Variants in KCNIP4 observed in about 807,000 individuals in gnomAD.
KCNIP4 encodes potassium voltage-gated channel interacting protein 4.
A neutral mutation model predicts 34.0 loss-of-function variants in KCNIP4; 12 were observed. The ratio of observed to expected loss-of-function variants is 0.35; its 90% CI spans 0.23 to 0.57. The LOEUF is 0.57. Among genes scored for constraint, KCNIP4 ranks in the 20% least tolerant of loss-of-function variants. The probability of loss-of-function intolerance (pLI) is 0.83; values close to 1 mark genes in which losing one functional copy is unlikely to be tolerated. For missense variants in KCNIP4, 238 were observed against 311.7 expected, an observed-to-expected ratio of 0.76 and a Z score of 1.78; for synonymous variants, 124 against 102.2, an observed-to-expected ratio of 1.21 and a Z score of -1.29.
At chr4:21,916,429 A>G (rs1017893759) in intron 1 of KCNIP4, among the ~76,000 whole-genome samples, 3 of 152,212 alleles carry the variant, frequency 2.0e-5, no homozygotes, top group African/African-American at 7.2e-5. Flanking sequence ...TCTTCACTTT[A>G]AAAACTTTAT....
chr4:21,482,953 A>G (rs1201423804), intron 1 of KCNIP4, among the ~76,000 whole-genome samples: 2 of 151,956 alleles, frequency 1.3e-5, no homozygotes, highest in Non-Finnish European at 2.9e-5. Context: ...ACATGGATGA[A>G]GCTGGAAACC....
rs560239264 is a variant in KCNIP4 at position 21,198,727 on chromosome 4, G to A, written c.62-316018C>T. Among the ~76,000 whole-genome samples, 9 of 152,296 alleles carry A rather than the reference G, an allele frequency of 5.9e-5. No homozygotes were observed. In the South Asian group the frequency reaches 1.9e-3, roughly 32 times the overall value. ...TCTGCTGGAGCCTGTGCATCATGTG[G>A]CACCTGGTCAACCCCACTGTTATAT... On this transcript the variant is annotated intron_variant, in intron 1 of 8. Transcript: ENST00000382152.
Position 20,961,996 on chromosome 4 carries a change from G to A in KCNIP4, c.62-79287C>T, listed in dbSNP as rs200744846. Among the ~76,000 whole-genome samples the A allele has an allele frequency of 9.2e-5, 14 of 152,214 alleles. No homozygotes were observed. In the East Asian group the frequency reaches 9.7e-4, roughly 11 times the overall value. ...CCACCCCTTCAGTTTCCATGACTAC[G>A]TATCTTTCCTAAACCACCCTGGCAT... On this transcript the variant is annotated intron_variant, in intron 1 of 8. Transcript: ENST00000382152.
At chr4:21,551,343 C>T (rs1159962530) in intron 1 of KCNIP4, among the ~76,000 whole-genome samples, 1 of 152,012 alleles carries the variant, frequency 6.6e-6, no homozygotes, top group East Asian at 1.9e-4. Context: ...TTTCAGTTTA[C>T]AGTGATAAAT....
At chr4:20,905,668 C>T (rs764050090) in intron 1 of KCNIP4, among the ~76,000 whole-genome samples, 16 of 151,224 alleles carry the variant, frequency 1.1e-4, no homozygotes, top group South Asian at 4.2e-4. Flanking sequence ...TGTGTCACAA[C>T]GCCTGGCTAA....
intron 1 of KCNIP4, among the ~76,000 whole-genome samples, chr4:21,503,000 T>G (rs1733492497): frequency 6.6e-6 from 1 of 152,188 alleles, no homozygotes; most frequent in Non-Finnish European, 1.5e-5. Flanking sequence ...GTTGTCTCAG[T>G]AGGCAGGCAT....
At chr4:21,232,639 A>G (rs181355445) in intron 1 of KCNIP4, among the ~76,000 whole-genome samples, 1 of 152,312 alleles carries the variant, frequency 6.6e-6, no homozygotes, top group East Asian at 1.9e-4. Context: ...TGCTGATGAA[A>G]TTATAGAAGA....
At chr4:21,864,466 T>C (rs890403951) in intron 1 of KCNIP4, among the ~76,000 whole-genome samples, 1 of 152,182 alleles carries the variant, frequency 6.6e-6, no homozygotes, top group Admixed American at 6.5e-5. Flanking sequence ...TAATGCCCTA[T>C]ATGAAAAAGC....
At chr4:20,810,792 T>A (rs1175540588) in intron 3 of KCNIP4, among the ~76,000 whole-genome samples, 1 of 151,988 alleles carries the variant, frequency 6.6e-6, no homozygotes, top group Non-Finnish European at 1.5e-5. Flanking sequence ...TGATAAATAC[T>A]TTTTTTTAAC....
chr4:20,742,508 T>A (rs1327302440), intron 5 of KCNIP4, among the ~76,000 whole-genome samples: 1 of 152,048 alleles, frequency 6.6e-6, no homozygotes, highest in Non-Finnish European at 1.5e-5. Context: ...CCTTTGACAA[T>A]ATTCAGCAGC....
At chr4:20,987,958 A>ATG (rs1736728873) in intron 1 of KCNIP4, among the ~76,000 whole-genome samples, 1 of 136,546 alleles carries the variant, frequency 7.3e-6, no homozygotes. Flanking sequence ...CCGAGATCGC[A>ATG]CCACTGCACT....
intron 2 of KCNIP4, among the ~76,000 whole-genome samples, chr4:20,865,642 T>C (rs1722803535): frequency 6.6e-6 from 1 of 151,888 alleles, no homozygotes; most frequent in South Asian, 2.1e-4. Context: ...GTCATTTACA[T>C]AAAGAACCTA....
intron 1 of KCNIP4, among the ~76,000 whole-genome samples, chr4:21,690,532 C>T (rs1316379585): frequency 5.9e-5 from 9 of 152,098 alleles, no homozygotes; most frequent in Admixed American, 5.9e-4. Context: ...CCTGTCTTGC[C>T]ATGTGACACA....
intron 1 of KCNIP4, among the ~76,000 whole-genome samples, chr4:21,416,107 T>C (rs968823955): frequency 4.6e-5 from 7 of 152,216 alleles, no homozygotes; most frequent in Non-Finnish European, 1.0e-4. Context: ...TAGCTCCACA[T>C]AGGGAGGTTT....
chr4:21,175,556 A>G (rs1488370727), intron 1 of KCNIP4, among the ~76,000 whole-genome samples: 2 of 152,158 alleles, frequency 1.3e-5, no homozygotes, highest in Non-Finnish European at 1.5e-5. Context: ...GAAATACTTT[A>G]TGGCTTCTCA....
At position 21,557,147 on chromosome 4, in the gene KCNIP4, T is replaced by C. The variant is rs143891294; in HGVS notation, c.61+391424A>G. On this transcript the variant is annotated intron_variant, in intron 1 of 8. Coordinates refer to ENST00000382152, the MANE Select transcript of KCNIP4 (RefSeq NM_025221.6). ...AATGTGTTTCGTCATGTGACTGTTT[T>C]ATCTGTTTTCTCTTAAATAAATATT... 2.8e-3 allele frequency among the ~76,000 whole-genome samples: 425 copies of C among 152,208 alleles called. 3 individuals carry two copies. The highest frequency in any genetic ancestry group is 9.7e-3 in the African/African-American group (403 of 41,552).
At chr4:21,155,905 T>A (rs1260946553) in intron 1 of KCNIP4, among the ~76,000 whole-genome samples, 1 of 152,122 alleles carries the variant, frequency 6.6e-6, no homozygotes, top group East Asian at 1.9e-4. Flanking sequence ...TATCTATTAT[T>A]TTCTATATTG....
At chr4:21,019,037 G>A (rs1739807735) in intron 1 of KCNIP4, among the ~76,000 whole-genome samples, 1 of 152,142 alleles carries the variant, frequency 6.6e-6, no homozygotes, top group Admixed American at 6.5e-5. Context: ...TTTAATAAGT[G>A]TCCCCAGGGT....
chr4:21,271,007 T>G (rs1048614107), intron 1 of KCNIP4, among the ~76,000 whole-genome samples: 2 of 142,110 alleles, frequency 1.4e-5, no homozygotes, highest in South Asian at 2.3e-4. Flanking sequence ...AAAAAAAAGA[T>G]TGTAAAAGAA....
Sources: gnomAD v4.1 joint callset for allele counts (sites outside exome capture counted in the v4.1 genomes callset) on GRCh38, gnomAD v4.1.1 for gene constraint, MANE v1.5 for transcripts, NCBI Gene and HGNC (gene_info 2026-07-23, HGNC 2026-07-21) for gene names.